The following GSK3B variants were observed in gnomAD, a reference collection of about 807,000 sequenced individuals.
The protein encoded by GSK3B is glycogen synthase kinase 3 beta.
In GSK3B, 15 loss-of-function variants were observed where a neutral mutation model predicts 56.4. That is an observed-to-expected ratio of 0.27 (90% confidence interval 0.18 to 0.41). The LOEUF (loss-of-function observed/expected upper bound fraction) is 0.41. GSK3B is among the 10% of genes least tolerant of loss of function. GSK3B has a pLI of 1.00. For missense variants in GSK3B, 300 were observed against 513.4 expected (o/e 0.58, Z 4.02); for synonymous variants, 181 against 188.9 (o/e 0.96, Z 0.34).
chr3:119,870,944 T>C (rs533013086), intron 8 of GSK3B, among the ~76,000 whole-genome samples: 27 of 152,276 alleles, frequency 1.8e-4, no homozygotes, highest in Middle Eastern at 6.8e-3. Flanking sequence ...AAAAGGTAGA[T>C]AGAATGGATG....
At chr3:119,985,427 T>C (rs1206473652) in intron 2 of GSK3B, among the ~76,000 whole-genome samples, 1 of 152,170 alleles carries the variant, frequency 6.6e-6, no homozygotes, top group African/African-American at 2.4e-5. Context: ...TGATTGTATA[T>C]TTGGAAAACT....
chr3:119,836,450 C>A (rs777721481), intron 10 of GSK3B, among the ~76,000 whole-genome samples: 1 of 152,028 alleles, frequency 6.6e-6, no homozygotes, highest in African/African-American at 2.4e-5. Flanking sequence ...TGAGGGCAAT[C>A]AAAAATTTTA....
intron 1 of GSK3B, among the ~76,000 whole-genome samples, chr3:120,005,657 T>C (rs1412594505): frequency 6.6e-6 from 1 of 152,192 alleles, no homozygotes; most frequent in Non-Finnish European, 1.5e-5. Context: ...CAACCCAGAA[T>C]TTCATATCCC....
At chr3:120,013,740 A>C (rs2057799565) in intron 1 of GSK3B, among the ~76,000 whole-genome samples, 2 of 152,112 alleles carry the variant, frequency 1.3e-5, no homozygotes, top group Admixed American at 1.3e-4. Flanking sequence ...GAAATAACAC[A>C]CAGCTATTTT....
At chr3:119,832,159 T>G (rs2055612099) in intron 10 of GSK3B, among the ~76,000 whole-genome samples, 2 of 152,224 alleles carry the variant, frequency 1.3e-5, no homozygotes, top group Non-Finnish European at 2.9e-5. Flanking sequence ...AATTACTTAG[T>G]CTAGGGGAAG....
intron 1 of GSK3B, among the ~76,000 whole-genome samples, chr3:120,030,570 T>A (rs1321018890): frequency 6.6e-6 from 1 of 152,226 alleles, no homozygotes; most frequent in Non-Finnish European, 1.5e-5. Flanking sequence ...TTCAGTTTAT[T>A]GAATACACAA....
chr3:119,865,464 A>ATT (rs2056168376), intron 8 of GSK3B, among the ~76,000 whole-genome samples: 62 of 28,522 alleles, frequency 2.2e-3, no homozygotes, highest in South Asian at 8.4e-3. Context: ...ATATATATAT[A>ATT]TATTTTTTTT....
intron 1 of GSK3B, among the ~76,000 whole-genome samples, chr3:120,073,640 C>A (rs1324623906): frequency 1.3e-5 from 2 of 152,190 alleles, no homozygotes. Context: ...CCCTAAAAAA[C>A]CTTAATTCTT....
At chr3:119,919,516 T>C (rs1038272245) in intron 4 of GSK3B, among the ~76,000 whole-genome samples, 2 of 50,484 alleles carry the variant, frequency 4.0e-5, no homozygotes, top group East Asian at 8.4e-4. Flanking sequence ...TGTGGTTACA[T>C]AAGAAAAAAA....
At position 119,905,871 on chromosome 3, in the gene GSK3B, G is replaced by A. The variant is rs761160169; in HGVS notation, c.716-19C>T. 1.1e-5 allele frequency: 15 copies of A among 1,386,226 alleles called. No individual in the cohort carries two copies. The highest frequency in any genetic ancestry group is 9.9e-5 in the African/African-American group (7 of 70,612). 85.9% of individuals were successfully genotyped at this position (1,386,226 alleles called of 1,614,324 possible). On this transcript the variant is annotated intron_variant, in intron 6 of 10. Coordinates refer to ENST00000264235, the MANE Select transcript of GSK3B (RefSeq NM_001146156.2). ...CATACATCTAAAGAGAAAAGAAAAC[G>A]AAGCCTTATTAATACTTCATAGCTT... is the stretch of plus-strand genomic sequence containing the variant.
intron 1 of GSK3B, among the ~76,000 whole-genome samples, chr3:120,048,680 G>C (rs1307693270): frequency 6.6e-6 from 1 of 152,144 alleles, no homozygotes; most frequent in Non-Finnish European, 1.5e-5. Context: ...CTGCTACTAG[G>C]AGTCCTACCA....
chr3:119,826,900 A>G (rs199724278), intron 10 of GSK3B, 45 bp from the exon 11 acceptor site: 5 of 1,178,988 alleles, frequency 4.2e-6, no homozygotes, highest in Non-Finnish European at 2.5e-6. Flanking sequence ...CAATGCTATA[A>G]CAACAAAAGA....
At chr3:119,917,129 T>TA (rs1488141027) in intron 4 of GSK3B, among the ~76,000 whole-genome samples, 2 of 151,798 alleles carry the variant, frequency 1.3e-5, no homozygotes, top group Non-Finnish European at 1.5e-5. Flanking sequence ...AATATCTTGG[T>TA]AAAAAAACAA....
In GSK3B at chr3:119,826,728, T is replaced by A; in HGVS notation, c.*60A>T. ...TATTCTTTCCAAACGTGACCAGTGT[T>A]GCTGAGTGACACTCAAGTAACTGGT... On this transcript the variant is annotated 3_prime_UTR_variant, in exon 11 of 11. Coordinates refer to ENST00000264235, the MANE Select transcript of GSK3B (RefSeq NM_001146156.2). 1 of 1,019,692 alleles carries A rather than the reference T, an allele frequency of 9.8e-7. No individual in the cohort carries two copies. The highest frequency in any genetic ancestry group is 1.6e-6 in the Non-Finnish European group (1 of 636,646). 63.2% of individuals were successfully genotyped at this position (1,019,692 alleles called of 1,614,324 possible).
chr3:120,041,709 A>G (rs963025987), intron 1 of GSK3B, among the ~76,000 whole-genome samples: 5 of 152,214 alleles, frequency 3.3e-5, no homozygotes, highest in Admixed American at 1.3e-4. Context: ...TTACCATACA[A>G]AGGTCCGGCC....
chr3:120,006,903 T>A (rs1351562824), intron 1 of GSK3B, among the ~76,000 whole-genome samples: 3 of 142,054 alleles, frequency 2.1e-5, no homozygotes, highest in Non-Finnish European at 4.6e-5. Flanking sequence ...AGACAAGAAA[T>A]AACTAAGATC....
intron 1 of GSK3B, among the ~76,000 whole-genome samples, chr3:120,070,246 A>C (rs1172462485): frequency 1.3e-5 from 2 of 151,880 alleles, no homozygotes; most frequent in Non-Finnish European, 2.9e-5. Flanking sequence ...AAAACAAAAA[A>C]AAAAAACATC....
rs1488404971 is a variant in GSK3B, at chr3:119,986,713, G to A, written c.282+15333C>T. Reference sequence around the variant, plus strand: ...TGCTGGAGAGGATGTGGAGAAACTGGAATGCTTATACACTGTTGGTGGCAG... The same window carrying A: ...TGCTGGAGAGGATGTGGAGAAACTGAAATGCTTATACACTGTTGGTGGCAG... On this transcript the variant is annotated intron_variant, in intron 2 of 10. Coordinates refer to ENST00000264235, the MANE Select transcript of GSK3B (RefSeq NM_001146156.2). Among the ~76,000 whole-genome samples, 6 of 152,196 alleles carry A rather than the reference G, an allele frequency of 3.9e-5. No individual in the cohort carries two copies. In the East Asian group the frequency reaches 1.2e-3, roughly 29 times the overall value.
intron 1 of GSK3B, among the ~76,000 whole-genome samples, chr3:120,060,762 A>C (rs1420853370): frequency 1.3e-5 from 2 of 152,114 alleles, no homozygotes; most frequent in Non-Finnish European, 2.9e-5. Context: ...GGACAGAAAG[A>C]CTCAGATGAT....
Sources: allele counts gnomAD v4.1 joint callset (sites outside exome capture counted in the v4.1 genomes callset), GRCh38; gene constraint gnomAD v4.1.1; transcripts MANE v1.5; gene names NCBI Gene and HGNC (gene_info 2026-07-23, HGNC 2026-07-21).